Variants in ZBTB44 observed in about 807,000 individuals in gnomAD.
ZBTB44 encodes zinc finger and BTB domain-containing protein 44.
ZBTB44 carries 15 observed loss-of-function variants against 54.0 expected under a neutral mutation model. The observed-to-expected ratio is 0.28, with a 90% confidence interval of 0.19 to 0.43. The LOEUF (loss-of-function observed/expected upper bound fraction) is 0.43, where lower values mean the gene tolerates loss of function less well. Among genes scored for constraint, ZBTB44 ranks in the 20% least tolerant of loss-of-function variants. ZBTB44 has a pLI of 1.00. For missense variants in ZBTB44, 487 were observed against 707.1 expected (o/e 0.69, Z 3.53); for synonymous variants, 230 against 250.1 (o/e 0.92, Z 0.76).
intron 5 of ZBTB44, among the ~76,000 whole-genome samples, chr11:130,236,417 A>T (rs185777358): frequency 6.6e-6 from 1 of 152,234 alleles, no homozygotes; most frequent in African/African-American, 2.4e-5. Context: ...TTTTATTAAC[A>T]TCTAGAGTCT....
chr11:130,297,574 G>T (rs1365371836), intron 1 of ZBTB44, among the ~76,000 whole-genome samples: 1 of 152,184 alleles, frequency 6.6e-6, no homozygotes, highest in Admixed American at 6.5e-5. Flanking sequence ...TCAAGTTCAA[G>T]GGAGATCATT....
intron 1 of ZBTB44, among the ~76,000 whole-genome samples, chr11:130,268,905 G>GAA (rs918619074): frequency 1.3e-5 from 2 of 150,218 alleles, no homozygotes; most frequent in East Asian, 3.9e-4. Context: ...GAGAGAGAGA[G>GAA]AAAAAAAGAA....
chr11:130,278,281 A>C (rs1468670070), intron 1 of ZBTB44, among the ~76,000 whole-genome samples: 4 of 152,330 alleles, frequency 2.6e-5, no homozygotes, highest in Non-Finnish European at 5.9e-5. Context: ...AACCTAACAC[A>C]AAGTATTTTT....
rs1164993288 is a variant in ZBTB44, at chr11:130,231,576, G to A, written c.*188C>T. Reference sequence around the variant, plus strand: ...CATTGTGCTTGGCTCTTAATGCGAAGTTTTCAGGGTTGGGGATGTGCTAAA... The same window carrying A: ...CATTGTGCTTGGCTCTTAATGCGAAATTTTCAGGGTTGGGGATGTGCTAAA... On this transcript the variant is annotated 3_prime_UTR_variant, in exon 8 of 8. Transcript: ENST00000357899. The A allele has an allele frequency of 6.6e-6, 1 of 152,148 alleles. No homozygotes were observed. The highest frequency in any genetic ancestry group is 1.9e-4 in the East Asian group (1 of 5,194). 9.4% of individuals were successfully genotyped at this position (152,148 alleles called of 1,614,324 possible). A position where few individuals can be genotyped will look rare whatever the true frequency, so the allele number is the denominator to read the frequency against.
chr11:130,294,991 G>C lies in ZBTB44; in HGVS notation c.-57+19384C>G, dbSNP rs371136083. Among the ~76,000 whole-genome samples the C allele has an allele frequency of 1.6e-3, 241 of 152,220 alleles. 5 individuals are homozygous for C. In the South Asian group the frequency reaches 0.035, roughly 22 times the overall value. On this transcript the variant is annotated intron_variant, in intron 1 of 7. Coordinates refer to ENST00000357899, the MANE Select transcript of ZBTB44 (RefSeq NM_001301098.2). The stretch of plus-strand genomic sequence containing the variant: ...CAACTGCATATACGCTTTAAAATAT[G>C]TATACAAGTGGAAGCAACGTCAGCC...
intron 2 of ZBTB44, among the ~76,000 whole-genome samples, chr11:130,250,230 C>T (rs1412860649): frequency 8.5e-5 from 13 of 152,192 alleles, no homozygotes; most frequent in Non-Finnish European, 1.5e-5. Flanking sequence ...CTTCATTGGG[C>T]AGGGCATCTC....
chr11:130,247,369 C>G (rs1480374846), intron 2 of ZBTB44, among the ~76,000 whole-genome samples: 1 of 152,180 alleles, frequency 6.6e-6, no homozygotes, highest in Non-Finnish European at 1.5e-5. Flanking sequence ...GCCACCTGCC[C>G]TTGGCTGGGA....
chr11:130,243,016 T>A (rs1954453885), intron 2 of ZBTB44, among the ~76,000 whole-genome samples: 1 of 152,234 alleles, frequency 6.6e-6, no homozygotes, highest in South Asian at 2.1e-4. Context: ...TGCCAAAATG[T>A]TCACGGAGAT....
At position 130,227,021 on chromosome 11, in the gene ZBTB44, G is replaced by GA. The variant is rs1448861453; in HGVS notation, c.*4742dup. The GA allele has an allele frequency of 6.6e-6, 1 of 151,836 alleles. No homozygotes were observed. Among genetic ancestry groups the GA allele is most frequent in the Non-Finnish European group, 1.5e-5 (1 of 67,968 alleles). 9.4% of individuals were successfully genotyped at this position (151,836 alleles called of 1,614,324 possible). A position where few individuals can be genotyped will look rare whatever the true frequency, so the allele number is the denominator to read the frequency against. On this transcript the variant is annotated 3_prime_UTR_variant, in exon 8 of 8. Coordinates refer to ENST00000357899, the MANE Select transcript of ZBTB44 (RefSeq NM_001301098.2). ...AACACTATAGGCTCAGAACAGATTT[G>GA]AAAAAACATGATATTCACATTGATT...
chr11:130,277,657 A>C (rs1239374721), intron 1 of ZBTB44, among the ~76,000 whole-genome samples: 1 of 152,172 alleles, frequency 6.6e-6, no homozygotes, highest in Non-Finnish European at 1.5e-5. Context: ...AAAGGAGAAA[A>C]ATGTTAATTT....
chr11:130,255,510 C>A (rs1938359476), intron 2 of ZBTB44, among the ~76,000 whole-genome samples: 1 of 151,948 alleles, frequency 6.6e-6, no homozygotes, highest in Non-Finnish European at 1.5e-5. Flanking sequence ...GAAGCAAGAG[C>A]AAACAAATTC....
chr11:130,275,609 T>C (rs1388640991), intron 1 of ZBTB44, among the ~76,000 whole-genome samples: 1 of 152,212 alleles, frequency 6.6e-6, no homozygotes, highest in African/African-American at 2.4e-5. Flanking sequence ...TCTAATTTCA[T>C]TCCATATGGT....
chr11:130,234,901 C>A (rs1954039226), intron 5 of ZBTB44, among the ~76,000 whole-genome samples: 1 of 152,184 alleles, frequency 6.6e-6, no homozygotes, highest in African/African-American at 2.4e-5. Context: ...TTGGTCCCCA[C>A]AGGCAACATG....
In ZBTB44 at chr11:130,314,109, G is replaced by A. The variant is rs1001671869; in HGVS notation, c.-57+266C>T. 3.3e-5 allele frequency among the ~76,000 whole-genome samples: 5 copies of A among 152,226 alleles called. No homozygotes were observed. In the East Asian group the frequency reaches 7.7e-4, roughly 24 times the overall value. ...TCCGGCCGCTCCGGGTTAGGGTGTT[G>A]GGCAAATGGGCGTGCAAAGGACGGG... On this transcript the variant is annotated intron_variant, in intron 1 of 7. Coordinates refer to ENST00000357899, the MANE Select transcript of ZBTB44 (RefSeq NM_001301098.2).
intron 1 of ZBTB44, among the ~76,000 whole-genome samples, chr11:130,300,912 G>A (rs1592068530): frequency 6.6e-6 from 1 of 152,174 alleles, no homozygotes; most frequent in East Asian, 1.9e-4. Flanking sequence ...ACAAAAGTAA[G>A]GGGTCAGGCG....
At chr11:130,314,295 G>A (rs1942812705) in intron 1 of ZBTB44, 80 bp downstream of exon 1, 1 of 152,452 alleles carries the variant, frequency 6.6e-6, no homozygotes, top group East Asian at 1.9e-4. Context: ...CGCCAGGTGG[G>A]GGCCACGCGG....
At chr11:130,276,960 G>A (rs896687093) in intron 1 of ZBTB44, among the ~76,000 whole-genome samples, 4 of 151,952 alleles carry the variant, frequency 2.6e-5, no homozygotes, top group South Asian at 4.2e-4. Context: ...AACCACTCTC[G>A]CTTTCTGGTG....
rs1953831393 is a variant in ZBTB44 at position 130,230,390 on chromosome 11, CA to C, written c.*1373del. 1 of 130,788 alleles carries C rather than the reference CA, an allele frequency of 7.6e-6. No homozygotes were observed. The highest frequency in any genetic ancestry group is 1.6e-5 in the Non-Finnish European group (1 of 61,674). 8.1% of individuals were successfully genotyped at this position (130,788 alleles called of 1,614,324 possible). ...GTATTGACTAGTCTATTTCATTTGGCAAAGTATTTTAACAAGATGAAAGTTT... is the reference window on the plus strand; with the variant it reads ...GTATTGACTAGTCTATTTCATTTGGCAAGTATTTTAACAAGATGAAAGTTT... On this transcript the variant is annotated 3_prime_UTR_variant, in exon 8 of 8. Transcript: ENST00000357899.
chr11:130,312,496 T>C (rs1942668126), intron 1 of ZBTB44, among the ~76,000 whole-genome samples: 1 of 152,138 alleles, frequency 6.6e-6, no homozygotes, highest in South Asian at 2.1e-4. Context: ...TACACCTAAC[T>C]TCCAGTTAAT....
Sources: gnomAD v4.1 joint callset for allele counts (sites outside exome capture counted in the v4.1 genomes callset) on GRCh38, gnomAD v4.1.1 for gene constraint, MANE v1.5 for transcripts, NCBI Gene and HGNC (gene_info 2026-07-23, HGNC 2026-07-21) for gene names.